The following CDK15 variants were observed in gnomAD, a reference collection of about 807,000 sequenced individuals.
CDK15 encodes the protein cyclin dependent kinase 15, also known as cyclin-dependent kinase 15.
In CDK15, 62 loss-of-function variants were observed where a neutral mutation model predicts 60.3. The ratio of observed to expected loss-of-function variants is 1.03; its 90% CI spans 0.84 to 1.27. CDK15 has a LOEUF of 1.27. Ranked by LOEUF, CDK15 falls within the 50% of genes most tolerant of loss-of-function variation. The probability of loss-of-function intolerance (pLI) is 0.00; values close to 1 mark genes in which losing one functional copy is unlikely to be tolerated. For synonymous variants in CDK15, 194 were observed against 195.7 expected (o/e 0.99, Z 0.07); for missense variants, 541 against 527.8 (o/e 1.03, Z -0.25).
chr2:201,829,804 TTTTA>T (rs201181170), intron 6 of CDK15, among the ~76,000 whole-genome samples: 4,647 of 151,734 alleles, frequency 0.031, 223 homozygotes, highest in African/African-American at 0.11. Flanking sequence ...TTAATTTTAT[TTTTA>T]TTTATTTATT....
chr2:201,833,776 G>T, intron 6 of CDK15, 72 bp from the exon 7 acceptor site: 3 of 1,298,886 alleles, frequency 2.3e-6, no homozygotes, highest in Non-Finnish European at 2.0e-6. Context: ...TGAGATGACT[G>T]TTTTTGATTT....
chr2:201,808,886 G>T (rs954353595), intron 3 of CDK15: 3 of 150,836 alleles, frequency 2.0e-5, no homozygotes, highest in African/African-American at 4.9e-5. Context: ...AAACAGGATT[G>T]TAGGGGACAT....
chr2:201,847,297 T>C, intron 8 of CDK15, 84 bp from the exon 9 acceptor site: 1 of 1,335,536 alleles, frequency 7.5e-7, no homozygotes. Flanking sequence ...CTAAAATATT[T>C]CTTGGGAAGA....
chr2:201,823,979 A>T (rs533951416), intron 6 of CDK15, among the ~76,000 whole-genome samples: 1 of 152,350 alleles, frequency 6.6e-6, no homozygotes, highest in African/African-American at 2.4e-5. Flanking sequence ...GCTGTCAGTC[A>T]TGGCTACATG....
intron 9 of CDK15, chr2:201,854,624 C>A: frequency 2.0e-6 from 1 of 492,970 alleles, no homozygotes; most frequent in South Asian, 3.4e-5. Flanking sequence ...TATGATCTGC[C>A]TCAGAACAAG....
At chr2:201,859,608 C>A (rs1455867193) in intron 10 of CDK15, among the ~76,000 whole-genome samples, 1 of 152,138 alleles carries the variant, frequency 6.6e-6, no homozygotes, top group African/African-American at 2.4e-5. Flanking sequence ...TCAGCCAGTA[C>A]AATTTGAGGG....
chr2:201,832,225 T>C (rs1321474564), intron 6 of CDK15, among the ~76,000 whole-genome samples: 1 of 152,136 alleles, frequency 6.6e-6, no homozygotes, highest in South Asian at 2.1e-4. Context: ...TTTGTATTTT[T>C]AGTAGAGATG....
intron 9 of CDK15, among the ~76,000 whole-genome samples, chr2:201,854,054 A>G (rs28498815): frequency 0.13 from 19,012 of 152,026 alleles, 2,196 homozygotes; most frequent in African/African-American, 0.3. Context: ...TGCATCTGTA[A>G]TCCCAGCTAC....
At chr2:201,877,124 G>A (rs1699107901) in intron 11 of CDK15, among the ~76,000 whole-genome samples, 1 of 152,172 alleles carries the variant, frequency 6.6e-6, no homozygotes, top group Non-Finnish European at 1.5e-5. Context: ...AAGAAAAGGG[G>A]TGCCCCTAAT....
chr2:201,829,127 T>C (rs1158495140), intron 6 of CDK15, among the ~76,000 whole-genome samples: 1 of 152,248 alleles, frequency 6.6e-6, no homozygotes, highest in African/African-American at 2.4e-5. Context: ...ATTCAGATTT[T>C]CTTTTTATAA....
At chr2:201,880,696 C>T (rs1165906356) in intron 12 of CDK15, among the ~76,000 whole-genome samples, 1 of 152,150 alleles carries the variant, frequency 6.6e-6, no homozygotes, top group Non-Finnish European at 1.5e-5. Context: ...CTCCTGTAAA[C>T]ACAAGTTACC....
chr2:201,807,848 C>G lies in CDK15; in HGVS notation c.274-10C>G. On this transcript the variant is annotated splice_polypyrimidine_tract_variant and intron_variant, in intron 2 of 13. Coordinates refer to ENST00000652192, the MANE Select transcript of CDK15 (RefSeq NM_001366386.2). ...TTCACCCGCTCCTTTTCCCCATTCC[C>G]CTAGAGCAGAGGAAGAGCCTCCCTT... 2 of 1,610,906 alleles carry G rather than the reference C, an allele frequency of 1.2e-6. No individual in the cohort carries two copies. The highest frequency in any genetic ancestry group is 1.7e-6 in the Non-Finnish European group (2 of 1,178,636).
intron 7 of CDK15, among the ~76,000 whole-genome samples, chr2:201,834,566 A>T (rs1346035385): frequency 2.0e-5 from 3 of 152,200 alleles, no homozygotes; most frequent in Non-Finnish European, 4.4e-5. Flanking sequence ...ATATATATAC[A>T]TGTGTGAGCA....
intron 12 of CDK15, among the ~76,000 whole-genome samples, chr2:201,886,220 A>G (rs1217802224): frequency 6.6e-6 from 1 of 152,040 alleles, no homozygotes; most frequent in African/African-American, 2.4e-5. Context: ...TTGAATAGAG[A>G]TTTACACCCC....
At chr2:201,884,109 A>C (rs1457060291) in intron 12 of CDK15, among the ~76,000 whole-genome samples, 1 of 152,186 alleles carries the variant, frequency 6.6e-6, no homozygotes, top group East Asian at 1.9e-4. Context: ...TTTTTATCTG[A>C]GGCAGTAAAT....
At chr2:201,826,749 T>C (rs1696527583) in intron 6 of CDK15, among the ~76,000 whole-genome samples, 1 of 152,182 alleles carries the variant, frequency 6.6e-6, no homozygotes, top group East Asian at 1.9e-4. Flanking sequence ...GAATAGAAAA[T>C]ATTAGCATGC....
intron 12 of CDK15, 137 bp downstream of exon 12, chr2:201,880,304 G>A: frequency 9.2e-7 from 1 of 1,092,198 alleles, no homozygotes; most frequent in Non-Finnish European, 1.3e-6. Flanking sequence ...TTAGAGATCA[G>A]TTTGCCTGGG....
intron 8 of CDK15, among the ~76,000 whole-genome samples, chr2:201,843,659 G>A (rs537633293): frequency 7.6e-4 from 115 of 152,248 alleles, no homozygotes; most frequent in African/African-American, 2.7e-3. Flanking sequence ...GTGTGTGCAT[G>A]TGCGTGTATA....
intron 10 of CDK15, among the ~76,000 whole-genome samples, chr2:201,858,277 G>T (rs2105793708): frequency 6.6e-6 from 1 of 152,316 alleles, no homozygotes; most frequent in East Asian, 1.9e-4. Context: ...TCAGATTCTA[G>T]TGCCTGATTA....
Sources: gnomAD v4.1 joint callset for allele counts (sites outside exome capture counted in the v4.1 genomes callset) on GRCh38, gnomAD v4.1.1 for gene constraint, MANE v1.5 for transcripts, NCBI Gene and HGNC (gene_info 2026-07-23, HGNC 2026-07-21) for gene names.